The following ANAPC15 variants were observed in gnomAD, a reference collection of about 807,000 sequenced individuals.
ANAPC15 encodes anaphase-promoting complex subunit 15.
Under a neutral mutation model 19.8 loss-of-function variants are expected in ANAPC15, and 13 were observed. The ratio of observed to expected loss-of-function variants is 0.66; its 90% CI spans 0.43 to 1.04. The LOEUF (loss-of-function observed/expected upper bound fraction) is 1.04, where lower values mean the gene tolerates loss of function less well. Among genes scored for constraint, ANAPC15 ranks in the 50% least tolerant of loss-of-function variants. The probability of loss-of-function intolerance (pLI) is 0.00; values close to 1 mark genes in which losing one functional copy is unlikely to be tolerated. For synonymous variants in ANAPC15, 45 were observed against 50.7 expected (o/e 0.89, Z 0.47); for missense variants, 88 against 150.3 (o/e 0.59, Z 2.17).
At chr11:72,109,325 C>A (rs956514341), downstream of ANAPC15, 13 of 468,078 alleles carry the variant, frequency 2.8e-5, no homozygotes, top group East Asian at 7.4e-4. Flanking sequence ...AGCCTCCCAT[C>A]CTCAGCCCAT....
Position 72,112,683 on chromosome 11 carries a change from A to G in ANAPC15, c.-129T>C. 2.2e-6 allele frequency: 1 copy of G among 456,582 alleles called. No homozygotes were observed. Among genetic ancestry groups the G allele is most frequent in the Non-Finnish European group, 4.4e-6 (1 of 226,910 alleles). 28.3% of individuals were successfully genotyped at this position (456,582 alleles called of 1,614,324 possible). A position where few individuals can be genotyped will look rare whatever the true frequency, so the allele number is the denominator to read the frequency against. ...GAGGCTGCTGCCGGCGGCGACCCGGAAGCGCTTCACCCAGCCTGAGCGGAA... is the reference window on the plus strand; with the variant it reads ...GAGGCTGCTGCCGGCGGCGACCCGGGAGCGCTTCACCCAGCCTGAGCGGAA... On this transcript the variant is annotated 5_prime_UTR_variant, in exon 1 of 6. Transcript: ENST00000227618.
At chr11:72,111,015 C>T (rs548212353) in intron 3 of ANAPC15, 142 bp downstream of exon 3, 1 of 671,260 alleles carries the variant, frequency 1.5e-6, no homozygotes, top group African/African-American at 1.8e-5. Flanking sequence ...ACCTTGGCTC[C>T]CTGGCTCCCA....
At chr11:72,110,934 A>G (rs1195620789) in intron 3 of ANAPC15, among the ~76,000 whole-genome samples, 3 of 152,252 alleles carry the variant, frequency 2.0e-5, no homozygotes, top group African/African-American at 7.2e-5. Flanking sequence ...GCTGAGTGTC[A>G]GCAGCCTGGG....
At chr11:72,112,607 T>C (rs1445822151) in intron 1 of ANAPC15, 43 bp downstream of exon 1, 1 of 451,872 alleles carries the variant, frequency 2.2e-6, no homozygotes, top group Non-Finnish European at 4.4e-6. Flanking sequence ...GAAAAAGGAA[T>C]GAAGGGGCAA....
At chr11:72,108,516 C>G, downstream of ANAPC15, 5 of 1,212,430 alleles carry the variant, frequency 4.1e-6, no homozygotes, top group Non-Finnish European at 5.5e-6. Context: ...AAGCCAGGAC[C>G]TGGCATGAAG....
intron 4 of ANAPC15, 107 bp from the exon 5 acceptor site, chr11:72,110,332 G>C: frequency 6.3e-6 from 10 of 1,581,614 alleles, no homozygotes; most frequent in Non-Finnish European, 8.6e-6. Flanking sequence ...CCCCTACCCC[G>C]ACACTCCCTC....
rs767747215 is a variant in ANAPC15 at position 72,111,175 on chromosome 11, T to C, written c.102A>G (p.Glu34=). The C allele has an allele frequency of 2.5e-6, 4 of 1,607,992 alleles. No homozygotes were observed. Among genetic ancestry groups the C allele is most frequent in the Non-Finnish European group, 3.4e-6 (4 of 1,174,526 alleles). Residue 34 remains glutamate, a synonymous_variant, in exon 3 of 6, where the codon GAA becomes GAG. Coordinates refer to ENST00000227618, the MANE Select transcript of ANAPC15 (RefSeq NM_014042.3). Reference sequence around the variant, plus strand: ...CACTCACCCAGGCCTGATGCTGCTGTTCCTGCTGCTGCAGCTCTGTCTCTT... The same window carrying C: ...CACTCACCCAGGCCTGATGCTGCTGCTCCTGCTGCTGCAGCTCTGTCTCTT... ...CVEETELQQQ[E]QQHQAWLQSI... is the part of the protein sequence containing the mutation.
At chr11:72,110,661 A>T (rs1261903932) in intron 3 of ANAPC15, 58 bp from the exon 4 acceptor site, 1 of 1,601,696 alleles carries the variant, frequency 6.2e-7, no homozygotes, top group Non-Finnish European at 8.6e-7. Flanking sequence ...GGTCAGGGGC[A>T]TGGGACTGGC....
At chr11:72,111,097 C>T in intron 3 of ANAPC15, 60 bp downstream of exon 3, 1 of 1,011,512 alleles carries the variant, frequency 9.9e-7, no homozygotes, top group Non-Finnish European at 1.4e-6. Flanking sequence ...GGGTCATGGC[C>T]CACTGAAGGA....
downstream of ANAPC15, among the ~76,000 whole-genome samples, chr11:72,108,440 A>G (rs1945950302): frequency 6.6e-6 from 1 of 152,238 alleles, no homozygotes; most frequent in Admixed American, 6.5e-5. Flanking sequence ...AATGGAAATC[A>G]CAATACTGAT....
chr11:72,107,657 A>G, downstream of ANAPC15: 1 of 620,608 alleles, frequency 1.6e-6, no homozygotes. Context: ...CAGGCTGAGA[A>G]TCCCAAGTTC....
At chr11:72,108,180 C>T (rs1285889458), downstream of ANAPC15, 1 of 1,398,662 alleles carries the variant, frequency 7.1e-7, no homozygotes, top group Non-Finnish European at 9.5e-7. Context: ...CCCAGACATC[C>T]CTTGTGAAGG....
chr11:72,107,852 T>G, downstream of ANAPC15: 5 of 1,504,334 alleles, frequency 3.3e-6, no homozygotes, highest in Non-Finnish European at 4.5e-6. Context: ...AGGTAGGCAT[T>G]TGAGATATCT....
At chr11:72,107,652 T>G (rs1945816325), downstream of ANAPC15, 1 of 620,964 alleles carries the variant, frequency 1.6e-6, no homozygotes, top group Non-Finnish European at 2.9e-6. Flanking sequence ...AATGCCAGGC[T>G]GAGAATCCCA....
chr11:72,111,428 G>T lies in ANAPC15; in HGVS notation c.-27C>A, dbSNP rs931205831. ...CAGACAGACCTGGCTTTGAGTCCTG[G>T]CTCCACCACTTACTAGCTGTTTGAC... On this transcript the variant is annotated 5_prime_UTR_variant, in exon 2 of 6. Transcript: ENST00000227618. 6.3e-6 allele frequency: 4 copies of T among 639,782 alleles called. No homozygotes were observed. In the African/African-American group the frequency reaches 7.4e-5, roughly 12 times the overall value. 39.6% of individuals were successfully genotyped at this position (639,782 alleles called of 1,614,324 possible).
intron 1 of ANAPC15, 27 bp from the exon 2 acceptor site, chr11:72,111,523 T>C (rs1946932146): frequency 1.3e-5 from 5 of 387,556 alleles, no homozygotes; most frequent in Non-Finnish European, 1.4e-5. Flanking sequence ...ATAACAATTA[T>C]ACCACTGTCA....
intron 4 of ANAPC15, 154 bp from the exon 5 acceptor site, chr11:72,110,379 C>T: frequency 6.5e-7 from 1 of 1,535,374 alleles, no homozygotes. Context: ...TCTGCAGGAC[C>T]TTAATGCTAG....
chr11:72,112,738 C>T (rs1306053029), upstream of ANAPC15: 3 of 456,656 alleles, frequency 6.6e-6, no homozygotes, highest in Admixed American at 4.7e-5. Context: ...ACTCACCAAA[C>T]GCATGCGTCC....
downstream of ANAPC15, chr11:72,108,897 C>T (rs2135216680): frequency 1.3e-6 from 2 of 1,547,622 alleles, no homozygotes; most frequent in Admixed American, 2.0e-5. Flanking sequence ...GATGGAATAG[C>T]TCAGCTCACC....
Sources: gnomAD v4.1 joint callset for allele counts (sites outside exome capture counted in the v4.1 genomes callset) on GRCh38, gnomAD v4.1.1 for gene constraint, MANE v1.5 for transcripts, NCBI Gene and HGNC (gene_info 2026-07-23, HGNC 2026-07-21) for gene names.